The following SMURF1 variants were observed in gnomAD, a reference collection of about 807,000 sequenced individuals.
SMURF1 encodes the protein E3 ubiquitin-protein ligase SMURF1.
A neutral mutation model predicts 98.0 loss-of-function variants in SMURF1; 44 were observed. The observed-to-expected ratio is 0.45, with a 90% CI of 0.35 to 0.58. The LOEUF is 0.58. SMURF1 is among the 20% of genes least tolerant of loss of function. SMURF1 has a pLI of 0.00. For missense variants in SMURF1, 687 were observed against 938.4 expected, an observed-to-expected ratio of 0.73 and a Z score of 3.50; for synonymous variants, 396 against 374.9, an observed-to-expected ratio of 1.06 and a Z score of -0.65.
intron 3 of SMURF1, among the ~76,000 whole-genome samples, chr7:99,058,556 T>C (rs971849322): frequency 6.6e-6 from 1 of 152,170 alleles, no homozygotes; most frequent in Non-Finnish European, 1.5e-5. Context: ...CTATTCAAAG[T>C]ACACAAGAGG....
intron 11 of SMURF1, among the ~76,000 whole-genome samples, chr7:99,043,514 G>A (rs954497989): frequency 6.6e-6 from 1 of 152,124 alleles, no homozygotes; most frequent in Non-Finnish European, 1.5e-5. Flanking sequence ...CCATCTCCAC[G>A]CAGAAGACTG....
intron 1 of SMURF1, among the ~76,000 whole-genome samples, chr7:99,121,721 T>C (rs899745255): frequency 1.3e-5 from 2 of 152,208 alleles, no homozygotes; most frequent in Non-Finnish European, 1.5e-5. Flanking sequence ...CTCGGTTTGA[T>C]AGGCGATTTG....
intron 3 of SMURF1, among the ~76,000 whole-genome samples, chr7:99,058,817 A>G (rs1795948823): frequency 1.3e-5 from 2 of 152,248 alleles, no homozygotes; most frequent in Non-Finnish European, 2.9e-5. Flanking sequence ...AGCCAGGTGC[A>G]GTGGCTCACG....
chr7:99,049,344 CAAGT>C, intron 9 of SMURF1: 1 of 526,350 alleles, frequency 1.9e-6, no homozygotes, highest in Non-Finnish European at 3.3e-6. Context: ...ATGTAGGCTG[CAAGT>C]AAGAAAAGGG....
At chr7:99,107,405 A>G (rs1424462975) in intron 1 of SMURF1, among the ~76,000 whole-genome samples, 1 of 152,166 alleles carries the variant, frequency 6.6e-6, no homozygotes, top group Non-Finnish European at 1.5e-5. Flanking sequence ...TACACCTACT[A>G]TGTACCCACA....
intron 1 of SMURF1, among the ~76,000 whole-genome samples, chr7:99,128,969 C>T (rs896042740): frequency 1.3e-5 from 2 of 152,002 alleles, no homozygotes; most frequent in Admixed American, 1.3e-4. Context: ...TGTTGCAACA[C>T]GAGGCCAAAT....
At chr7:99,099,842 T>A (rs1484231716) in intron 1 of SMURF1, among the ~76,000 whole-genome samples, 1 of 152,174 alleles carries the variant, frequency 6.6e-6, no homozygotes, top group African/African-American at 2.4e-5. Context: ...TAAAACAGTC[T>A]AAGGCCCTCC....
chr7:99,120,081 G>A (rs7807000), intron 1 of SMURF1, among the ~76,000 whole-genome samples: 56,759 of 151,936 alleles, frequency 0.37, 13,022 homozygotes, highest in East Asian at 0.62. Flanking sequence ...TCTTGCCCTG[G>A]TAGTTCCCAT....
chr7:99,070,231 C>T (rs1365801840), intron 1 of SMURF1, among the ~76,000 whole-genome samples: 2 of 152,306 alleles, frequency 1.3e-5, no homozygotes, highest in South Asian at 2.1e-4. Flanking sequence ...GCCCCAAGGA[C>T]GAGGTGGGGA....
chr7:99,076,641 G>A (rs1252117212), intron 1 of SMURF1, among the ~76,000 whole-genome samples: 1 of 152,242 alleles, frequency 6.6e-6, no homozygotes, highest in African/African-American at 2.4e-5. Flanking sequence ...AACAGAACAT[G>A]TCAGTAGGTA....
chr7:99,085,514 C>G (rs1287568035), intron 1 of SMURF1, among the ~76,000 whole-genome samples: 1 of 152,152 alleles, frequency 6.6e-6, no homozygotes, highest in Non-Finnish European at 1.5e-5. Flanking sequence ...TTCTTTAGAG[C>G]AGTGCAAGAA....
At chr7:99,100,912 AAG>A (rs1361286250) in intron 1 of SMURF1, among the ~76,000 whole-genome samples, 3 of 152,216 alleles carry the variant, frequency 2.0e-5, no homozygotes, top group Non-Finnish European at 2.9e-5. Flanking sequence ...AAAGCCGAGA[AAG>A]AGTGTTTCAG....
In SMURF1 at chr7:99,047,835, C is replaced by A. The variant is rs764491436; in HGVS notation, c.1001G>T (p.Ser334Ile). ...CTCCTCGTCCTCCAGAGAGCCCTCA[C>A]TGGGCAGTGGCAGCGGCTGGCTGGG... ...KEPSQPLPLPSEGSLEDEELP... is the reference protein window; with the variant it reads ...KEPSQPLPLPIEGSLEDEELP... The change falls in exon 10 of 18, where the codon AGT becomes ATT. Residue 334 changes from serine to isoleucine, a missense_variant. Around this residue, in one of 2 missense-constraint regions of SMURF1, gnomAD observed 415 missense variants for 508.4 expected, o/e 0.82. Coordinates refer to ENST00000361368, the MANE Select transcript of SMURF1 (RefSeq NM_181349.3). 8 of 1,614,092 alleles carry A rather than the reference C, an allele frequency of 5.0e-6. No homozygotes were observed. Among genetic ancestry groups the A allele is most frequent in the South Asian group, 2.2e-5 (2 of 91,090 alleles).
intron 1 of SMURF1, among the ~76,000 whole-genome samples, chr7:99,082,147 G>C (rs1245390395): frequency 6.6e-6 from 1 of 152,198 alleles, no homozygotes; most frequent in South Asian, 2.1e-4. Flanking sequence ...GTTTTTCATT[G>C]TGGAGTTGTA....
In SMURF1 at chr7:99,143,872, G is replaced by T; in HGVS notation, c.-92C>A. 1.6e-6 allele frequency: 2 copies of T among 1,224,368 alleles called. No homozygotes were observed. Among genetic ancestry groups the T allele is most frequent in the Non-Finnish European group, 2.1e-6 (2 of 930,314 alleles). 75.8% of individuals were successfully genotyped at this position (1,224,368 alleles called of 1,614,324 possible). On this transcript the variant is annotated 5_prime_UTR_variant, in exon 1 of 18. Coordinates refer to ENST00000361368, the MANE Select transcript of SMURF1 (RefSeq NM_181349.3). ...CCGCCGCCGCCGCCTCAAGGTTACG[G>T]CTCCGGGCTGGGCGCCGGGGTCCGA...
chr7:99,036,683 C>A (rs1188358477), intron 15 of SMURF1, among the ~76,000 whole-genome samples: 2 of 152,022 alleles, frequency 1.3e-5, no homozygotes, highest in Non-Finnish European at 2.9e-5. Context: ...AGACAGTAGC[C>A]CCTTGTTCCT....
chr7:99,037,981 G>A (rs1795215402), intron 14 of SMURF1, among the ~76,000 whole-genome samples: 1 of 149,518 alleles, frequency 6.7e-6, no homozygotes, highest in Admixed American at 6.6e-5. Context: ...AGCTGCAAGT[G>A]CCTAGGCCGC....
intron 11 of SMURF1, among the ~76,000 whole-genome samples, chr7:99,043,309 A>C (rs868646825): frequency 9.2e-5 from 14 of 152,210 alleles, no homozygotes; most frequent in African/African-American, 3.1e-4. Context: ...CACAGATCGG[A>C]TAATGAACAC....
intron 1 of SMURF1, among the ~76,000 whole-genome samples, chr7:99,075,467 T>C (rs1023136728): frequency 6.6e-6 from 1 of 152,198 alleles, no homozygotes. Flanking sequence ...TAGTCAGAAA[T>C]ATAGGTGACA....
Sources: gnomAD v4.1 joint callset for allele counts (sites outside exome capture counted in the v4.1 genomes callset) on GRCh38, gnomAD v4.1.1 for gene constraint, gnomAD v4.1.1 regional missense constraint, MANE v1.5 for transcripts, NCBI Gene and HGNC (gene_info 2026-07-23, HGNC 2026-07-21) for gene names.